The following HERC3 variants were observed in gnomAD, a reference collection of about 807,000 sequenced individuals.
HERC3 encodes the protein probable E3 ubiquitin-protein ligase HERC3.
HERC3 carries 58 observed loss-of-function variants against 129.9 expected under a neutral mutation model. The observed-to-expected ratio is 0.45, with a 90% confidence interval of 0.36 to 0.56. The LOEUF (loss-of-function observed/expected upper bound fraction) is 0.56. Among genes scored for constraint, HERC3 ranks in the 20% least tolerant of loss-of-function variants. The pLI, the probability that HERC3 is intolerant of heterozygous loss-of-function variation, is 0.00. For synonymous variants in HERC3, 430 were observed against 451.0 expected (o/e 0.95, Z 0.59); for missense variants, 835 against 1,244.2 (o/e 0.67, Z 4.95).
In HERC3 at chr4:88,676,229, A is replaced by T; in HGVS notation, c.1923A>T (p.Pro641=). The T allele has an allele frequency of 6.4e-7, 1 of 1,570,548 alleles. No individual in the cohort carries two copies. The highest frequency in any genetic ancestry group is 8.8e-7 in the Non-Finnish European group (1 of 1,141,038). The stretch of plus-strand genomic sequence containing the variant: ...TTTTCTTTACACAGAAGGCTAGACC[A>T]TCAATAATACAGGTAAATGATCCTT... The part of the protein sequence containing the change: ...FLHQAGMKAR[P]SIIQDTVTLC... Residue 641 remains proline (P), a synonymous_variant, in exon 17 of 26, where the codon CCA becomes CCT. Coordinates refer to ENST00000402738, the MANE Select transcript of HERC3 (RefSeq NM_014606.3).
chr4:88,699,274 C>CCACCCCACTCAT (rs1735063481), intron 23 of HERC3, among the ~76,000 whole-genome samples: 1 of 92,408 alleles, frequency 1.1e-5, no homozygotes, highest in Non-Finnish European at 2.3e-5. Context: ...ACCCCCAGCC[C>CCACCCCACTCAT]CGCCTTCTTC....
chr4:88,604,545 TAA>T (rs955334154), intron 2 of HERC3, among the ~76,000 whole-genome samples: 2 of 152,266 alleles, frequency 1.3e-5, no homozygotes, highest in African/African-American at 4.8e-5. Context: ...CGGAATCATA[TAA>T]TTTGTGGACT....
the HERC3 span, among the ~76,000 whole-genome samples, chr4:88,563,659 C>CT: frequency 4.7e-3 from 645 of 138,336 alleles, 2 homozygotes; most frequent in African/African-American, 6.2e-3. Flanking sequence ...ATGTTCCTTC[C>CT]TTTTTTTTTT....
At chr4:88,654,415 T>C (rs1327091179) in intron 7 of HERC3, among the ~76,000 whole-genome samples, 1 of 145,568 alleles carries the variant, frequency 6.9e-6, no homozygotes, top group Non-Finnish European at 1.5e-5. Context: ...GTAGATTATA[T>C]ATATATACAC....
chr4:88,630,491 C>T lies in HERC3; in HGVS notation c.227-19349C>T, dbSNP rs190248168. The stretch of plus-strand genomic sequence containing the variant: ...CATTAAGATACATGAAACTGCCTTC[C>T]TGGAGCTTACACTCTAGTTCTTGTA... On this transcript the variant is annotated intron_variant, in intron 3 of 25. Coordinates refer to ENST00000402738, the MANE Select transcript of HERC3 (RefSeq NM_014606.3). 2.3e-3 allele frequency among the ~76,000 whole-genome samples: 354 copies of T among 152,184 alleles called. 1 individual carries two copies. The highest frequency in any genetic ancestry group is 3.2e-3 in the Non-Finnish European group (215 of 68,008).
the HERC3 span, among the ~76,000 whole-genome samples, chr4:88,572,818 AT>A: frequency 0.15 from 21,743 of 143,458 alleles, 2,552 homozygotes; most frequent in African/African-American, 0.35. Context: ...AAAAAAAAAA[AT>A]AATAATAATA....
Position 88,707,100 on chromosome 4 carries a change from GT to G in HERC3, c.*143del. ...TTTAAATACTGAGCCTGGTTGATGTGTTTCTGGGATTGTATAGCAGTAAACA... is the reference window on the plus strand; with the variant it reads ...TTTAAATACTGAGCCTGGTTGATGTGTTCTGGGATTGTATAGCAGTAAACA... On this transcript the variant is annotated 3_prime_UTR_variant, in exon 26 of 26. Coordinates refer to ENST00000402738, the MANE Select transcript of HERC3 (RefSeq NM_014606.3). The G allele has an allele frequency of 1.4e-6, 1 of 700,964 alleles. No individual in the cohort carries two copies. The highest frequency in any genetic ancestry group is 2.7e-5 in the East Asian group (1 of 36,780). 43.4% of individuals were successfully genotyped at this position (700,964 alleles called of 1,614,324 possible). A position where few individuals can be genotyped will look rare whatever the true frequency, so the allele number is the denominator to read the frequency against.
chr4:88,664,009 A>C, intron 11 of HERC3, 144 bp from the exon 12 acceptor site: 1 of 568,238 alleles, frequency 1.8e-6, no homozygotes, highest in South Asian at 3.6e-5. Flanking sequence ...TTCTAAAGCA[A>C]ATGTACATTT....
chr4:88,576,639 C>T, the HERC3 span, among the ~76,000 whole-genome samples: 4 of 151,916 alleles, frequency 2.6e-5, no homozygotes, highest in African/African-American at 4.8e-5. Flanking sequence ...TTAATGTGTG[C>T]GTGTGTGTGT....
At chr4:88,586,669 C>T in the HERC3 span, among the ~76,000 whole-genome samples, 3 of 152,134 alleles carry the variant, frequency 2.0e-5, no homozygotes, top group African/African-American at 7.2e-5. Flanking sequence ...GAATAAGCCA[C>T]TTTTTAAAAT....
rs184442752 is a variant in HERC3 at position 88,644,692 on chromosome 4, G to C, written c.227-5148G>C. ...TATCTTGATTGTGTTTGAATTCATAGACTTATTTGTGTAGTTACATGTGTT... is the reference window on the plus strand; with the variant it reads ...TATCTTGATTGTGTTTGAATTCATACACTTATTTGTGTAGTTACATGTGTT... On this transcript the variant is annotated intron_variant, in intron 3 of 25. Coordinates refer to ENST00000402738, the MANE Select transcript of HERC3 (RefSeq NM_014606.3). Among the ~76,000 whole-genome samples the C allele has an allele frequency of 1.3e-3, 193 of 152,218 alleles. 1 individual carries two copies. The highest frequency in any genetic ancestry group is 1.8e-3 in the Admixed American group (28 of 15,260).
chr4:88,663,412 C>T (rs1302913053), intron 11 of HERC3, among the ~76,000 whole-genome samples: 1 of 151,996 alleles, frequency 6.6e-6, no homozygotes, highest in Non-Finnish European at 1.5e-5. Context: ...TTGCTGGGGT[C>T]CAGCAAGGGA....
At chr4:88,548,388 A>G in the HERC3 span, among the ~76,000 whole-genome samples, 1 of 151,930 alleles carries the variant, frequency 6.6e-6, no homozygotes, top group South Asian at 2.1e-4. Context: ...GATTATAGTC[A>G]CTCAGTGTGT....
At chr4:88,649,473 A>G (rs1729044370) in intron 3 of HERC3, among the ~76,000 whole-genome samples, 1 of 152,110 alleles carries the variant, frequency 6.6e-6, no homozygotes, top group African/African-American at 2.4e-5. Context: ...CGCTACTTTT[A>G]GAAATATGTT....
At chr4:88,671,779 C>T (rs960823801) in intron 16 of HERC3, among the ~76,000 whole-genome samples, 3 of 152,122 alleles carry the variant, frequency 2.0e-5, no homozygotes, top group Non-Finnish European at 4.4e-5. Context: ...CAGCCTCGGC[C>T]TCCCAAAGTG....
chr4:88,664,556 A>G (rs2149292415), intron 12 of HERC3, among the ~76,000 whole-genome samples: 1 of 152,336 alleles, frequency 6.6e-6, no homozygotes, highest in East Asian at 1.9e-4. Context: ...GATTTCAGGA[A>G]GAGCAATGCT....
At position 88,676,393 on chromosome 4, in the gene HERC3, G is replaced by A. The variant is rs1391177434; in HGVS notation, c.1995G>A (p.Met665Ile). ...TTGATGCCCAAGCCAAGACCAAAAT[G>A]TTACAGACAGATGCTGAACTACAGA... ...FIFDAQAKTK[M>I]LQTDAELQMQ... is the part of the protein sequence containing the mutation. Residue 665 changes from methionine (M) to isoleucine (I), a missense_variant, in exon 18 of 26, where the codon ATG (methionine) becomes ATA (isoleucine). By Grantham distance (10) the Met-to-Ile change is conservative. Transcript: ENST00000402738. 6.2e-7 allele frequency: 1 copy of A among 1,611,500 alleles called. No individual in the cohort carries two copies. Among genetic ancestry groups the A allele is most frequent in the African/African-American group, 1.3e-5 (1 of 74,854 alleles).
Position 88,704,385 on chromosome 4 carries a change from G to A in HERC3, c.2841+104G>A, listed in dbSNP as rs190038574. 41 of 1,319,770 alleles carry A rather than the reference G, an allele frequency of 3.1e-5. No homozygotes were observed. In the East Asian group the frequency reaches 6.5e-4, roughly 21 times the overall value. The allele number at this position is 1,319,770 out of a possible 1,614,324, so 81.8% of individuals were successfully genotyped here. ...CTCGTTCCAAGCATACTGTGGTTGA[G>A]TTAGATTTAGAGGTGTCCTGTATCT... On this transcript the variant is annotated intron_variant, in intron 24 of 25. Coordinates refer to ENST00000402738, the MANE Select transcript of HERC3 (RefSeq NM_014606.3).
rs1209935440 is a variant in HERC3 at position 88,704,278 on chromosome 4, A to G, written c.2838A>G (p.Glu946=). ...GNSNYNWEEL[E]ETAIYKGDYS... Reference sequence around the variant, plus strand: ...GCAACTACAACTGGGAAGAACTGGAAGAGGTAAGCACAAAAGATCCTTTAA... The same window carrying G: ...GCAACTACAACTGGGAAGAACTGGAGGAGGTAAGCACAAAAGATCCTTTAA... Residue 946 remains glutamate, a synonymous_variant, in exon 24 of 26, where the codon GAA becomes GAG. Transcript: ENST00000402738. The G allele has an allele frequency of 1.9e-6, 3 of 1,614,084 alleles. No individual in the cohort carries two copies. The highest frequency in any genetic ancestry group is 2.5e-6 in the Non-Finnish European group (3 of 1,179,966).
Sources: allele counts gnomAD v4.1 joint callset (sites outside exome capture counted in the v4.1 genomes callset), GRCh38; gene constraint gnomAD v4.1.1; transcripts MANE v1.5; gene names NCBI Gene and HGNC (gene_info 2026-07-23, HGNC 2026-07-21).